Variants in TUBGCP4 observed in about 807,000 individuals in gnomAD.
TUBGCP4 encodes gamma-tubulin complex component 4.
In TUBGCP4, 54 loss-of-function variants were observed where a neutral mutation model predicts 91.6. The ratio of observed to expected loss-of-function variants is 0.59; its 90% CI spans 0.47 to 0.74. The LOEUF is 0.74. Ranked by LOEUF, TUBGCP4 falls within the 30% of genes least tolerant of loss-of-function variation. The pLI is 0.00. For missense variants in TUBGCP4, 593 were observed against 800.9 expected, an observed-to-expected ratio of 0.74 and a Z score of 3.13; for synonymous variants, 297 against 302.8, an observed-to-expected ratio of 0.98 and a Z score of 0.20.
At chr15:43,398,595 T>C (rs1247583971) in intron 13 of TUBGCP4, among the ~76,000 whole-genome samples, 1 of 152,084 alleles carries the variant, frequency 6.6e-6, no homozygotes, top group Non-Finnish European at 1.5e-5. Context: ...TAATAAGCAG[T>C]TTGTTGGCTG....
At position 43,409,318 on chromosome 15, in the gene TUBGCP4, C is replaced by T. The variant is rs2045034218; in HGVS notation, c.*4104C>T. ...CCTGCAGCATACTGAGGACCTAAAT[C>T]CTCAACGGACAACCAAAACCTATGA... On this transcript the variant is annotated 3_prime_UTR_variant, in exon 18 of 18. Transcript: ENST00000564079. 5.1e-6 allele frequency: 3 copies of T among 591,814 alleles called. No individual in the cohort carries two copies. Among genetic ancestry groups the T allele is most frequent in the Non-Finnish European group, 9.0e-6 (3 of 334,136 alleles). 36.7% of individuals were successfully genotyped at this position (591,814 alleles called of 1,614,324 possible). A position where few individuals can be genotyped will look rare whatever the true frequency, so the allele number is the denominator to read the frequency against.
chr15:43,404,357 C>T, intron 16 of TUBGCP4, 56 bp from the exon 17 acceptor site: 1 of 1,607,698 alleles, frequency 6.2e-7, no homozygotes, highest in Non-Finnish European at 8.5e-7. Flanking sequence ...CCCCATCCTC[C>T]ATATGGAGAG....
rs2044610868 is a variant in TUBGCP4, at chr15:43,398,040, G to C, written c.1280-1G>C. The C allele has an allele frequency of 1.2e-6, 2 of 1,608,524 alleles. No individual in the cohort carries two copies. The highest frequency in any genetic ancestry group is 1.3e-5 in the African/African-American group (1 of 74,520). On this transcript the variant is annotated splice_acceptor_variant, in intron 12 of 17. Transcript: ENST00000564079. LOFTEE classifies it high-confidence loss of function. The stretch of plus-strand genomic sequence containing the variant: ...TTTTTTCTTTTCTTTTATCACAGCA[G>C]ATGCTACTCAGGCAAGAGAAGGGCC...
chr15:43,404,821 G>A (rs1186588951), intron 17 of TUBGCP4: 3 of 481,860 alleles, frequency 6.2e-6, no homozygotes, highest in African/African-American at 5.8e-5. Flanking sequence ...GGAGGCAGTG[G>A]GCCTTCCACT....
At chr15:43,401,615 G>A (rs984309649) in intron 14 of TUBGCP4, 101 bp from the exon 15 acceptor site, 3 of 1,246,824 alleles carry the variant, frequency 2.4e-6, no homozygotes, top group Non-Finnish European at 2.3e-6. Flanking sequence ...GAAGGAAGAT[G>A]AGTGGAGGCA....
chr15:43,390,405 T>TA (rs2044446306), intron 9 of TUBGCP4, among the ~76,000 whole-genome samples: 1 of 152,194 alleles, frequency 6.6e-6, no homozygotes, highest in South Asian at 2.1e-4. Flanking sequence ...AGATTTAATT[T>TA]AAAAAAATCT....
intron 1 of TUBGCP4, among the ~76,000 whole-genome samples, chr15:43,371,806 A>T (rs1469977909): frequency 6.6e-6 from 1 of 152,204 alleles, no homozygotes; most frequent in Non-Finnish European, 1.5e-5. Flanking sequence ...ACAGCTCCCA[A>T]ACACATGGTA....
At position 43,408,247 on chromosome 15, in the gene TUBGCP4, G is replaced by A. The variant is rs559527209; in HGVS notation, c.*3033G>A. The A allele has an allele frequency of 8.4e-5, 62 of 738,636 alleles. No homozygotes were observed. Among genetic ancestry groups the A allele is most frequent in the Admixed American group, 3.0e-4 (10 of 33,892 alleles). 45.8% of individuals were successfully genotyped at this position (738,636 alleles called of 1,614,324 possible). ...AATCCCAGCACTTTGGGAGGCTGTC[G>A]TGGTTGGATCTCTTGGGCCTGGGAG... On this transcript the variant is annotated 3_prime_UTR_variant, in exon 18 of 18. Coordinates refer to ENST00000564079, the MANE Select transcript of TUBGCP4 (RefSeq NM_014444.5).
Position 43,404,473 on chromosome 15 carries a change from A to G in TUBGCP4, c.1909A>G (p.Ile637Val). 1 of 1,614,166 alleles carries G rather than the reference A, an allele frequency of 6.2e-7. No individual in the cohort carries two copies. The highest frequency in any genetic ancestry group is 1.7e-5 in the Admixed American group (1 of 60,020). The change falls in exon 17 of 18, where the codon ATC becomes GTC. Residue 637 changes from isoleucine (I) to valine (V), a missense_variant. Physicochemically the swap from Ile to Val is conservative, Grantham distance 29. Coordinates refer to ENST00000564079, the MANE Select transcript of TUBGCP4 (RefSeq NM_014444.5). ...KILSSVRNHQ[I>V]NSDLAQLLLR... is the part of the protein sequence containing the mutation. ...TCTCTCCAGTGTTCGGAATCATCAG[A>G]TCAACTCAGATTTGGCTCAACTACT...
At chr15:43,394,437 A>T (rs1276394628) in intron 9 of TUBGCP4, 2 of 152,094 alleles carry the variant, frequency 1.3e-5, no homozygotes, top group Non-Finnish European at 2.9e-5. Context: ...GATGAAATCC[A>T]GTTTACCTTT....
At chr15:43,396,570 G>C (rs1007234945) in intron 11 of TUBGCP4, among the ~76,000 whole-genome samples, 1 of 152,168 alleles carries the variant, frequency 6.6e-6, no homozygotes, top group Non-Finnish European at 1.5e-5. Context: ...GCAAATATCA[G>C]AAAATCCAAT....
At chr15:43,390,593 T>C (rs905183293) in intron 9 of TUBGCP4, among the ~76,000 whole-genome samples, 2 of 150,520 alleles carry the variant, frequency 1.3e-5, no homozygotes, top group African/African-American at 4.9e-5. Flanking sequence ...CACTGCAGCC[T>C]CCACCTCCCA....
intron 13 of TUBGCP4, 96 bp downstream of exon 13, chr15:43,398,275 G>A: frequency 1.4e-6 from 2 of 1,413,366 alleles, no homozygotes; most frequent in Non-Finnish European, 1.9e-6. Context: ...AGCAAGGTGT[G>A]GTGGCACACA....
In TUBGCP4 at chr15:43,405,345, A is replaced by G. The variant is rs1316862674; in HGVS notation, c.*131A>G. The G allele has an allele frequency of 1.9e-6, 2 of 1,029,676 alleles. No individual in the cohort carries two copies. The highest frequency in any genetic ancestry group is 3.2e-5 in the African/African-American group (2 of 62,314). 63.8% of individuals were successfully genotyped at this position (1,029,676 alleles called of 1,614,324 possible). On this transcript the variant is annotated 3_prime_UTR_variant, in exon 18 of 18. Transcript: ENST00000564079. ...GTGATAGGACTCTACCTTTTCTCCTAGAAGCAGTTACTGAACATCCAGGAG... is the reference window on the plus strand; with the variant it reads ...GTGATAGGACTCTACCTTTTCTCCTGGAAGCAGTTACTGAACATCCAGGAG...
Position 43,385,975 on chromosome 15 carries a change from A to C in TUBGCP4, c.889+19A>C. ...AGAAAAGGTAGAAATCTCCTTGTCC[A>C]ATGTACCACACCCTCAAAATCTCTT... On this transcript the variant is annotated intron_variant, in intron 8 of 17. Transcript: ENST00000564079. 1 of 1,612,732 alleles carries C rather than the reference A, an allele frequency of 6.2e-7. No homozygotes were observed. The highest frequency in any genetic ancestry group is 8.5e-7 in the Non-Finnish European group (1 of 1,179,532).
At chr15:43,399,797 T>G (rs1008031135) in intron 13 of TUBGCP4, among the ~76,000 whole-genome samples, 4 of 152,206 alleles carry the variant, frequency 2.6e-5, no homozygotes, top group African/African-American at 9.7e-5. Flanking sequence ...ACACTGAAAT[T>G]TCCCAAGTTA....
chr15:43,389,535 T>C (rs2044433418), intron 9 of TUBGCP4, among the ~76,000 whole-genome samples: 1 of 152,200 alleles, frequency 6.6e-6, no homozygotes, highest in Non-Finnish European at 1.5e-5. Context: ...TATCAACTGC[T>C]CTTTCTGTGT....
In TUBGCP4 at chr15:43,378,254, A is replaced by G. The variant is rs148145009; in HGVS notation, c.441+351A>G. 3.7e-3 allele frequency among the ~76,000 whole-genome samples: 557 copies of G among 152,298 alleles called. 9 individuals carry two copies. Among genetic ancestry groups the G allele is most frequent in the Admixed American group, 0.033 (497 of 15,290 alleles). On this transcript the variant is annotated intron_variant, in intron 5 of 17. Coordinates refer to ENST00000564079, the MANE Select transcript of TUBGCP4 (RefSeq NM_014444.5). ...AAAGTTAATTCTTAGGAAGAAGGTA[A>G]TAGGTTTATGGTTAGTGTGCTGGCA...
At position 43,376,924 on chromosome 15, in the gene TUBGCP4, C is replaced by T. The variant is rs576316212; in HGVS notation, c.331-90C>T. 6.9e-4 allele frequency: 783 copies of T among 1,131,882 alleles called. 7 individuals are homozygous for T. Among genetic ancestry groups the T allele is most frequent in the Admixed American group, 6.7e-4 (38 of 56,722 alleles). 70.1% of individuals were successfully genotyped at this position (1,131,882 alleles called of 1,614,324 possible). ...CGATAGCCTAAAATTAACACTTAAG[C>T]CCATCATGAGATTCTCTTCTCATTT... On this transcript the variant is annotated intron_variant, in intron 3 of 17. Transcript: ENST00000564079.
Sources: allele counts gnomAD v4.1 joint callset (sites outside exome capture counted in the v4.1 genomes callset), GRCh38; gene constraint gnomAD v4.1.1; transcripts MANE v1.5; gene names NCBI Gene and HGNC (gene_info 2026-07-23, HGNC 2026-07-21).